Variants in RBFOX1 observed in about 807,000 individuals in gnomAD.
The protein encoded by RBFOX1 is RNA binding fox-1 homolog 1.
Under a neutral mutation model 57.7 loss-of-function variants are expected in RBFOX1, and 8 were observed. The ratio of observed to expected loss-of-function variants is 0.14; its 90% CI spans 0.08 to 0.25. The LOEUF (loss-of-function observed/expected upper bound fraction) is 0.25. Among genes scored for constraint, RBFOX1 ranks in the 10% least tolerant of loss-of-function variants. RBFOX1 has a pLI of 1.00. For synonymous variants in RBFOX1, 326 were observed against 222.4 expected, an observed-to-expected ratio of 1.47 and a Z score of -4.15; for missense variants, 611 against 548.5, an observed-to-expected ratio of 1.11 and a Z score of -1.14.
intron 1 of RBFOX1, among the ~76,000 whole-genome samples, chr16:6,198,929 TATC>T: frequency 6.6e-6 from 1 of 152,056 alleles, no homozygotes; most frequent in East Asian, 1.9e-4. Flanking sequence ...CTTTTTACAT[TATC>T]ATTATGTTTT....
chr16:7,655,421 G>C (rs12444608), intron 12 of RBFOX1, among the ~76,000 whole-genome samples: 29,970 of 152,120 alleles, frequency 0.2, 3,243 homozygotes, highest in East Asian at 0.4. Flanking sequence ...AACAAACCAA[G>C]AATGAACTGG....
intron 2 of RBFOX1, among the ~76,000 whole-genome samples, chr16:6,496,335 C>A (rs1450284739): frequency 6.6e-6 from 1 of 152,196 alleles, no homozygotes; most frequent in African/African-American, 2.4e-5. Context: ...TCACAGGCTT[C>A]AACTTTTTCC....
intron 4 of RBFOX1, among the ~76,000 whole-genome samples, chr16:7,479,372 C>T (rs971954502): frequency 6.6e-6 from 1 of 152,104 alleles, no homozygotes; most frequent in South Asian, 2.1e-4. Context: ...CTCAGTGTAT[C>T]CTCTGGCTTG....
intron 2 of RBFOX1, among the ~76,000 whole-genome samples, chr16:5,497,900 G>A (rs902628551): frequency 2.0e-5 from 3 of 152,186 alleles, no homozygotes; most frequent in Non-Finnish European, 4.4e-5. Flanking sequence ...CTGAGGAGGT[G>A]GCTTTGGAGT....
At chr16:5,438,187 G>T (rs983182705) in intron 1 of RBFOX1, among the ~76,000 whole-genome samples, 1 of 152,138 alleles carries the variant, frequency 6.6e-6, no homozygotes. Context: ...CTTGTTAGGC[G>T]ACAAAACTAG....
chr16:7,564,873 C>A (rs770959345), intron 5 of RBFOX1, among the ~76,000 whole-genome samples: 1 of 152,164 alleles, frequency 6.6e-6, no homozygotes, highest in Non-Finnish European at 1.5e-5. Flanking sequence ...CTTCTCCTTT[C>A]AGAGGAATTT....
chr16:7,395,272 C>G (rs145129362), intron 4 of RBFOX1, among the ~76,000 whole-genome samples: 1 of 152,080 alleles, frequency 6.6e-6, no homozygotes, highest in East Asian at 1.9e-4. Flanking sequence ...TACTGGGAGC[C>G]CCCAACACAC....
Position 6,063,507 on chromosome 16 carries a change from C to CACACACACACACA in RBFOX1, c.-127+43515_-127+43516insACACACACACACA, listed in dbSNP as rs1555493205. Among the ~76,000 whole-genome samples the CACACACACACACA allele has an allele frequency of 2.1e-3, 99 of 47,188 alleles. 3 individuals are homozygous for CACACACACACACA. The highest frequency in any genetic ancestry group is 5.0e-3 in the African/African-American group (91 of 18,214). 31.0% of individuals were successfully genotyped at this position (47,188 alleles called of 152,430 possible). Reference sequence around the variant, plus strand: ...CACACACACACACACACACACACACCCCCTTATATTTTTCCCCTAGTACCT... The same window carrying CACACACACACACA: ...CACACACACACACACACACACACACCACACACACACACACCCTTATATTTTTCCCCTAGTACCT... On this transcript the variant is annotated intron_variant, in intron 1 of 15. Transcript: ENST00000550418.
intron 1 of RBFOX1, among the ~76,000 whole-genome samples, chr16:6,189,745 A>C (rs993643136): frequency 1.6e-4 from 24 of 152,268 alleles, no homozygotes; most frequent in African/African-American, 5.8e-4. Flanking sequence ...CATTCCACTA[A>C]ACAAGTAATA....
At chr16:7,691,237 A>C (rs942892929) in intron 14 of RBFOX1, among the ~76,000 whole-genome samples, 3 of 152,144 alleles carry the variant, frequency 2.0e-5, no homozygotes, top group Admixed American at 1.3e-4. Flanking sequence ...ATTTGTAGTC[A>C]GAAGTAATCT....
chr16:7,674,435 C>T (rs544242211), intron 13 of RBFOX1, among the ~76,000 whole-genome samples: 17 of 152,294 alleles, frequency 1.1e-4, no homozygotes, highest in African/African-American at 3.9e-4. Context: ...AGATATAGAA[C>T]ATTCATCTCC....
At chr16:5,323,025 G>T (rs780562007) in intron 1 of RBFOX1, among the ~76,000 whole-genome samples, 4 of 152,270 alleles carry the variant, frequency 2.6e-5, no homozygotes, top group Admixed American at 6.5e-5. Flanking sequence ...TCCCTAGCTG[G>T]ATCTCCTTGG....
At chr16:7,699,827 T>G (rs2080072526) in intron 14 of RBFOX1, among the ~76,000 whole-genome samples, 1 of 152,176 alleles carries the variant, frequency 6.6e-6, no homozygotes, top group African/African-American at 2.4e-5. Flanking sequence ...CAATCCCATT[T>G]TAGAACCACA....
At chr16:6,395,685 C>T (rs961027745) in intron 2 of RBFOX1, among the ~76,000 whole-genome samples, 1 of 152,078 alleles carries the variant, frequency 6.6e-6, no homozygotes, top group African/African-American at 2.4e-5. Flanking sequence ...AAGTTTATAT[C>T]AATACCATCT....
chr16:6,539,947 A>G (rs943386471), intron 2 of RBFOX1, among the ~76,000 whole-genome samples: 1 of 152,168 alleles, frequency 6.6e-6, no homozygotes, highest in African/African-American at 2.4e-5. Flanking sequence ...TTCCCCACAG[A>G]TAGCCAGCCA....
At chr16:7,258,562 A>G (rs1373119541) in intron 4 of RBFOX1, among the ~76,000 whole-genome samples, 4 of 152,154 alleles carry the variant, frequency 2.6e-5, no homozygotes, top group Admixed American at 1.3e-4. Context: ...GTACTGGCAC[A>G]TCTGTAATTT....
In RBFOX1 at chr16:7,587,202, C is replaced by T. The variant is rs780124679; in HGVS notation, c.415-45C>T. ...TTACTACTGTACATAGTAATGTCTA[C>T]TGCATTTCTCTTCTTGCTTATAAGA... On this transcript the variant is annotated intron_variant, in intron 6 of 15. Coordinates refer to ENST00000550418, the MANE Select transcript of RBFOX1 (RefSeq NM_018723.4). 4 of 1,476,770 alleles carry T rather than the reference C, an allele frequency of 2.7e-6. No homozygotes were observed. In the Admixed American group the frequency reaches 6.9e-5, roughly 25 times the overall value. 91.5% of individuals were successfully genotyped at this position (1,476,770 alleles called of 1,614,324 possible).
chr16:5,605,480 A>T (rs2047539475), intron 3 of RBFOX1, among the ~76,000 whole-genome samples: 3 of 151,808 alleles, frequency 2.0e-5, no homozygotes, highest in Admixed American at 2.0e-4. Context: ...ATAGGAGGGG[A>T]CAGTGGTGCC....
chr16:6,865,681 T>G (rs1178002024), intron 3 of RBFOX1, among the ~76,000 whole-genome samples: 2 of 152,230 alleles, frequency 1.3e-5, no homozygotes, highest in African/African-American at 2.4e-5. Flanking sequence ...CTAATTCCTT[T>G]AGTTAATAAG....
Sources: allele counts gnomAD v4.1 joint callset (sites outside exome capture counted in the v4.1 genomes callset), GRCh38; gene constraint gnomAD v4.1.1; transcripts MANE v1.5; gene names NCBI Gene and HGNC (gene_info 2026-07-23, HGNC 2026-07-21).